CEP85L: variants seen among roughly 807,000 people sequenced by gnomAD.
The protein encoded by CEP85L is centrosomal protein 85L, also known as centrosomal protein of 85 kDa-like.
In CEP85L, 60 loss-of-function variants were observed where a neutral mutation model predicts 100.3. That is an observed-to-expected ratio of 0.60 (90% CI 0.49 to 0.74). The LOEUF (loss-of-function observed/expected upper bound fraction) is 0.74. CEP85L is among the 30% of genes least tolerant of loss of function. CEP85L has a pLI of 0.00. For missense variants in CEP85L, 973 were observed against 936.2 expected (o/e 1.04, Z -0.51); for synonymous variants, 319 against 322.7 (o/e 0.99, Z 0.12).
At chr6:118,619,014 A>C (rs1012190127) in intron 2 of CEP85L, among the ~76,000 whole-genome samples, 5 of 151,708 alleles carry the variant, frequency 3.3e-5, no homozygotes, top group African/African-American at 1.2e-4. Context: ...TCTGCCGGTA[A>C]GCGTGGTTAA....
At chr6:118,490,726 T>C (rs1041440133) in intron 6 of CEP85L, among the ~76,000 whole-genome samples, 1 of 152,176 alleles carries the variant, frequency 6.6e-6, no homozygotes, top group Non-Finnish European at 1.5e-5. Flanking sequence ...AGATACACTG[T>C]AGTATATCTT....
At chr6:118,643,590 C>T (rs899025595) in intron 1 of CEP85L, among the ~76,000 whole-genome samples, 2 of 152,236 alleles carry the variant, frequency 1.3e-5, no homozygotes, top group African/African-American at 2.4e-5. Context: ...TCTGATCTTA[C>T]ATTAACTCTC....
chr6:118,700,593 ATCT>A (rs1393843398), intron 1 of CEP85L, among the ~76,000 whole-genome samples: 3 of 152,218 alleles, frequency 2.0e-5, no homozygotes, highest in African/African-American at 7.2e-5. Context: ...TGGTGAGAAC[ATCT>A]TCTGCTCTTG....
intron 3 of CEP85L, among the ~76,000 whole-genome samples, chr6:118,542,857 G>C (rs1308106364): frequency 7.8e-6 from 1 of 129,014 alleles, no homozygotes; most frequent in Non-Finnish European, 1.6e-5. Flanking sequence ...CTCCTGCTAG[G>C]AGCCACATAA....
intron 2 of CEP85L, among the ~76,000 whole-genome samples, chr6:118,573,668 T>C (rs1315666618): frequency 6.6e-6 from 1 of 152,138 alleles, no homozygotes; most frequent in Non-Finnish European, 1.5e-5. Flanking sequence ...AGAATAAAGA[T>C]TCTGATTACC....
At chr6:118,490,479 C>G (rs1774482468) in intron 6 of CEP85L, among the ~76,000 whole-genome samples, 1 of 152,166 alleles carries the variant, frequency 6.6e-6, no homozygotes, top group South Asian at 2.1e-4. Flanking sequence ...TGTGGAGAAA[C>G]TGGAATTCCC....
intron 2 of CEP85L, among the ~76,000 whole-genome samples, chr6:118,607,344 A>C (rs1320594294): frequency 2.0e-5 from 3 of 152,188 alleles, no homozygotes; most frequent in Non-Finnish European, 4.4e-5. Context: ...TAGGGAGGCC[A>C]GAGAAAGACC....
At chr6:118,510,271 AAAT>A (rs1248290033) in intron 5 of CEP85L, among the ~76,000 whole-genome samples, 1 of 152,126 alleles carries the variant, frequency 6.6e-6, no homozygotes, top group Non-Finnish European at 1.5e-5. Context: ...GAGGAAAAGG[AAAT>A]AATAATATAA....
At chr6:118,470,124 A>C (rs964335673) in intron 11 of CEP85L, among the ~76,000 whole-genome samples, 2 of 152,158 alleles carry the variant, frequency 1.3e-5, no homozygotes, top group Admixed American at 1.3e-4. Context: ...AAATCAAAGA[A>C]GAAGAAAAAA....
At chr6:118,569,828 T>A (rs774169493) in intron 2 of CEP85L, among the ~76,000 whole-genome samples, 18 of 150,142 alleles carry the variant, frequency 1.2e-4, no homozygotes, top group Non-Finnish European at 1.3e-4. Flanking sequence ...GCCAAAAAAA[T>A]TCAATAAGTA....
At chr6:118,507,397 G>C (rs1037222559) in intron 5 of CEP85L, among the ~76,000 whole-genome samples, 13 of 152,074 alleles carry the variant, frequency 8.5e-5, no homozygotes, top group African/African-American at 3.1e-4. Context: ...CTTCCTGACT[G>C]GTTTCCCTGC....
At chr6:118,488,524 G>A (rs11153751) in intron 6 of CEP85L, among the ~76,000 whole-genome samples, 2,012 of 152,052 alleles carry the variant, frequency 0.013, 24 homozygotes, top group Admixed American at 0.021. Flanking sequence ...AGTAAAGAAA[G>A]CTTGAGAAAC....
At chr6:118,493,947 A>G (rs1774753364) in intron 5 of CEP85L, among the ~76,000 whole-genome samples, 1 of 152,196 alleles carries the variant, frequency 6.6e-6, no homozygotes, top group African/African-American at 2.4e-5. Flanking sequence ...GCGTGTAAAG[A>G]TATCAGAAGT....
intron 3 of CEP85L, among the ~76,000 whole-genome samples, chr6:118,540,928 T>G (rs970386235): frequency 1.3e-5 from 2 of 152,196 alleles, no homozygotes; most frequent in Admixed American, 1.3e-4. Flanking sequence ...ATGGCCATAC[T>G]TCGTTCTATT....
intron 1 of CEP85L, among the ~76,000 whole-genome samples, chr6:118,698,772 A>G (rs545173278): frequency 2.0e-5 from 3 of 151,602 alleles, no homozygotes; most frequent in Admixed American, 2.0e-4. Context: ...AGTGACCTTC[A>G]GCTCTATGAT....
chr6:118,626,186 C>A (rs1274500261), intron 2 of CEP85L, among the ~76,000 whole-genome samples: 2 of 152,134 alleles, frequency 1.3e-5, no homozygotes, highest in Admixed American at 6.5e-5. Flanking sequence ...TGCATCAGGA[C>A]TTACTTCAGT....
intron 3 of CEP85L, among the ~76,000 whole-genome samples, chr6:118,564,542 G>C (rs562428636): frequency 5.3e-5 from 8 of 152,196 alleles, no homozygotes; most frequent in African/African-American, 1.9e-4. Context: ...AGGTACATGC[G>C]ACATGTTAAG....
rs112109156 is a variant in CEP85L at position 118,519,476 on chromosome 6, C to CG, written c.1139+4325dup. On this transcript the variant is annotated intron_variant, in intron 4 of 12. Transcript: ENST00000368491. ...TGTGTGTGTGTGTGTGTGTGTGTGG[C>CG]GGGGGGGGGTTGTGAAACTCCGTGT... 5.8e-3 allele frequency among the ~76,000 whole-genome samples: 69 copies of CG among 11,914 alleles called. 3 individuals carry two copies. Among genetic ancestry groups the CG allele is most frequent in the East Asian group, 0.018 (6 of 336 alleles). 7.8% of individuals were successfully genotyped at this position (11,914 alleles called of 152,430 possible).
At chr6:118,620,489 T>C (rs1468372283) in intron 2 of CEP85L, among the ~76,000 whole-genome samples, 1 of 152,118 alleles carries the variant, frequency 6.6e-6, no homozygotes, top group African/African-American at 2.4e-5. Flanking sequence ...TTAAAAAAGA[T>C]TGTCCAACAA....
Sources: gnomAD v4.1 joint callset for allele counts (sites outside exome capture counted in the v4.1 genomes callset) on GRCh38, gnomAD v4.1.1 for gene constraint, MANE v1.5 for transcripts, NCBI Gene and HGNC (gene_info 2026-07-23, HGNC 2026-07-21) for gene names.